NIBAN3: variants seen among roughly 807,000 people sequenced by gnomAD.
NIBAN3 encodes the protein niban apoptosis regulator 3.
NIBAN3 carries 66 observed loss-of-function variants against 76.4 expected under a neutral mutation model. The ratio of observed to expected loss-of-function variants is 0.86; its 90% CI spans 0.71 to 1.06. The LOEUF is 1.06. Ranked by LOEUF, NIBAN3 falls within the 50% of genes least tolerant of loss-of-function variation. The probability of loss-of-function intolerance (pLI) is 0.00; values close to 1 mark genes in which losing one functional copy is unlikely to be tolerated. For missense variants in NIBAN3, 808 were observed against 810.7 expected (o/e 1.00, Z 0.04); for synonymous variants, 360 against 355.2 (o/e 1.01, Z -0.15).
At chr19:17,554,356 TGTA>T (rs2076196458), downstream of NIBAN3, among the ~76,000 whole-genome samples, 1 of 151,840 alleles carries the variant, frequency 6.6e-6, no homozygotes. Flanking sequence ...TGAGTGCACT[TGTA>T]GTCCCAGCTA....
At chr19:17,540,616 GA>G in intron 9 of NIBAN3, 34 bp downstream of exon 9, 1 of 1,378,504 alleles carries the variant, frequency 7.3e-7, no homozygotes, top group South Asian at 1.6e-5. Flanking sequence ...CAGTGAGCCA[GA>G]GGGTGATGTG....
chr19:17,532,704 T>G (rs1487073279), intron 3 of NIBAN3, among the ~76,000 whole-genome samples: 1 of 152,154 alleles, frequency 6.6e-6, no homozygotes, highest in Non-Finnish European at 1.5e-5. Context: ...CTTGGAGCGA[T>G]CACTACCTTT....
upstream of NIBAN3, chr19:17,523,451 C>A (rs754299971): frequency 1.3e-6 from 2 of 1,564,032 alleles, no homozygotes; most frequent in African/African-American, 1.3e-5. Context: ...GGGGCCTGAC[C>A]GGAAGGAGGT....
chr19:17,539,583 C>A lies in NIBAN3; in HGVS notation c.817-20C>A. ...CCGCCCCGTGTCTCGGCTTTGTCCCCCCTCGACCGGTCTGGGCAGCTTCTA... is the reference window on the plus strand; with the variant it reads ...CCGCCCCGTGTCTCGGCTTTGTCCCACCTCGACCGGTCTGGGCAGCTTCTA... On this transcript the variant is annotated intron_variant, in intron 7 of 14. Coordinates refer to ENST00000599164, the MANE Select transcript of NIBAN3 (RefSeq NM_001321827.2). 6.6e-7 allele frequency: 1 copy of A among 1,522,976 alleles called. No individual in the cohort carries two copies. The highest frequency in any genetic ancestry group is 1.2e-5 in the South Asian group (1 of 80,790). 94.3% of individuals were successfully genotyped at this position (1,522,976 alleles called of 1,614,324 possible). A position where few individuals can be genotyped will look rare whatever the true frequency, so the allele number is the denominator to read the frequency against.
Position 17,542,113 on chromosome 19 carries a change from C to A in NIBAN3, c.1171-23C>A. On this transcript the variant is annotated intron_variant, in intron 9 of 14. Coordinates refer to ENST00000599164, the MANE Select transcript of NIBAN3 (RefSeq NM_001321827.2). This position sits in a 1 kb window ranked among gnomAD's most constrained non-coding sequence, Gnocchi z 4.8. The stretch of plus-strand genomic sequence containing the variant: ...CAATCAGCTGACAGCATTTTTCCCC[C>A]AAAACTGCTTCCGGGAGCACAGGTT... 3 of 1,613,942 alleles carry A rather than the reference C, an allele frequency of 1.9e-6. No individual in the cohort carries two copies. Among genetic ancestry groups the A allele is most frequent in the Non-Finnish European group, 2.5e-6 (3 of 1,179,962 alleles).
chr19:17,540,079 G>T, intron 8 of NIBAN3: 1 of 426,678 alleles, frequency 2.3e-6, no homozygotes, highest in East Asian at 3.7e-5. Flanking sequence ...TGGCCTTGAG[G>T]CTGAGGCTCG....
chr19:17,529,999 T>A (rs8111672), intron 1 of NIBAN3, among the ~76,000 whole-genome samples: 2,531 of 151,438 alleles, frequency 0.017, 96 homozygotes, highest in African/African-American at 0.059. Flanking sequence ...AGGTCAAGGC[T>A]GCAGTGAGCT....
At position 17,551,942 on chromosome 19, in the gene NIBAN3, C is replaced by G. The variant is rs759994513; in HGVS notation, c.*44C>G. The G allele has an allele frequency of 1.4e-6, 1 of 727,632 alleles. No individual in the cohort carries two copies. Among genetic ancestry groups the G allele is most frequent in the East Asian group, 2.5e-5 (1 of 39,698 alleles). 45.1% of individuals were successfully genotyped at this position (727,632 alleles called of 1,614,324 possible). ...CTTGTTTCTATTGGATAAATGTCTA[C>G]AAGTGGAATTTCTGGGCCAAAACGG... On this transcript the variant is annotated 3_prime_UTR_variant, in exon 15 of 15. Coordinates refer to ENST00000599164, the MANE Select transcript of NIBAN3 (RefSeq NM_001321827.2).
chr19:17,554,436 T>C (rs12982281), downstream of NIBAN3, among the ~76,000 whole-genome samples: 50,259 of 149,906 alleles, frequency 0.34, 10,274 homozygotes, highest in Middle Eastern at 0.5. Context: ...GCCATGATCA[T>C]GTGATCATGC....
chr19:17,539,812 T>TG (rs1568454343), intron 8 of NIBAN3, 47 bp downstream of exon 8: 3 of 1,416,410 alleles, frequency 2.1e-6, no homozygotes, highest in Non-Finnish European at 2.8e-6. Flanking sequence ...GAGGCGATGC[T>TG]GGGGAAAAAG....
intron 8 of NIBAN3, 138 bp downstream of exon 8, chr19:17,539,903 A>C (rs149934394): frequency 1.2e-5 from 3 of 258,514 alleles, no homozygotes; most frequent in South Asian, 8.6e-5. Context: ...CAAGCATAGG[A>C]TGTGCAAGGG....
chr19:17,542,115 A>G lies in NIBAN3; in HGVS notation c.1171-21A>G, dbSNP rs771179685. The G allele has an allele frequency of 3.7e-6, 6 of 1,613,848 alleles. No homozygotes were observed. Among genetic ancestry groups the G allele is most frequent in the Non-Finnish European group, 5.1e-6 (6 of 1,179,946 alleles). On this transcript the variant is annotated intron_variant, in intron 9 of 14. Transcript: ENST00000599164. This position sits in a 1 kb window ranked among gnomAD's most constrained non-coding sequence, Gnocchi z 4.8. The stretch of plus-strand genomic sequence containing the variant: ...ATCAGCTGACAGCATTTTTCCCCCA[A>G]AACTGCTTCCGGGAGCACAGGTTTA...
At chr19:17,524,111 G>A (rs1378942835), upstream of NIBAN3, among the ~76,000 whole-genome samples, 5 of 151,880 alleles carry the variant, frequency 3.3e-5, no homozygotes, top group Non-Finnish European at 5.9e-5. Flanking sequence ...GGCTGGTCTC[G>A]AACTCCTGAC....
intron 9 of NIBAN3, among the ~76,000 whole-genome samples, chr19:17,541,925 C>T (rs543088106): frequency 2.0e-5 from 3 of 152,194 alleles, no homozygotes; most frequent in Admixed American, 2.0e-4. Flanking sequence ...CTCAAGTGAT[C>T]CACCCACCTC....
At chr19:17,540,809 C>T (rs922095890) in intron 9 of NIBAN3, among the ~76,000 whole-genome samples, 2 of 152,244 alleles carry the variant, frequency 1.3e-5, no homozygotes, top group African/African-American at 2.4e-5. Flanking sequence ...TCTTAACTCA[C>T]TGCAGCCTCG....
intron 12 of NIBAN3, 155 bp downstream of exon 12, chr19:17,543,786 T>C (rs1599746505): frequency 1.7e-6 from 1 of 587,048 alleles, no homozygotes. Flanking sequence ...AGGTCAGGAG[T>C]TCGAGACTAG....
At position 17,552,086 on chromosome 19, in the gene NIBAN3, T is replaced by C. The variant is rs1193704922; in HGVS notation, c.*188T>C. On this transcript the variant is annotated 3_prime_UTR_variant, in exon 15 of 15. Transcript: ENST00000599164. ...CAAGGCTTTCTTTATTTTAATTTTT[T>C]TTTTTTTTTTGAGACTGAGTCTTGC... is the stretch of plus-strand genomic sequence containing the variant. 2 of 397,402 alleles carry C rather than the reference T, an allele frequency of 5.0e-6. No homozygotes were observed. The highest frequency in any genetic ancestry group is 4.2e-5 in the African/African-American group (2 of 48,010). The allele number at this position is 397,402 out of a possible 1,614,324, so 24.6% of individuals were successfully genotyped here. A position where few individuals can be genotyped will look rare whatever the true frequency, so the allele number is the denominator to read the frequency against.
At position 17,553,451 on chromosome 19, in the gene NIBAN3, T is replaced by A. The variant is rs1220810908; in HGVS notation, c.*1553T>A. 9 of 1,614,098 alleles carry A rather than the reference T, an allele frequency of 5.6e-6. No individual in the cohort carries two copies. Among genetic ancestry groups the A allele is most frequent in the Non-Finnish European group, 7.6e-6 (9 of 1,180,044 alleles). On this transcript the variant is annotated 3_prime_UTR_variant, in exon 15 of 15. Coordinates refer to ENST00000599164, the MANE Select transcript of NIBAN3 (RefSeq NM_001321827.2). The stretch of plus-strand genomic sequence containing the variant: ...TCTTGCAGCTGCTTCCGGAGTGGGT[T>A]CCACAGGGATTCCCGTGTGTTCTTG...
rs536652149 is a variant in NIBAN3, at chr19:17,532,308, C to A, written c.232C>A (p.Arg78=). The A allele has an allele frequency of 6.2e-7, 1 of 1,614,046 alleles. No individual in the cohort carries two copies. Among genetic ancestry groups the A allele is most frequent in the Non-Finnish European group, 8.5e-7 (1 of 1,179,954 alleles). The change falls in exon 3 of 15, where the codon CGG becomes AGG. Residue 78 remains arginine (R), a synonymous_variant. Transcript: ENST00000599164. Reference sequence around the variant, plus strand: ...GCACCGAGGACCCCTGACCCAGCTTCGGGGCCACCCACCCCGGTGGCAGCC... The same window carrying A: ...GCACCGAGGACCCCTGACCCAGCTTAGGGGCCACCCACCCCGGTGGCAGCC... ...REHRGPLTQL[R]GHPPRWQPIF... is the part of the protein sequence containing the mutation.
Sources: gnomAD v4.1 joint callset for allele counts (sites outside exome capture counted in the v4.1 genomes callset) on GRCh38, gnomAD v4.1.1 for gene constraint, Gnocchi (gnomAD v3.1) non-coding constraint, MANE v1.5 for transcripts, NCBI Gene and HGNC (gene_info 2026-07-23, HGNC 2026-07-21) for gene names.